The following ARHGEF3 variants were observed in gnomAD, a reference collection of about 807,000 sequenced individuals.
ARHGEF3 encodes the protein 59.8 kDA protein.
ARHGEF3 carries 28 observed loss-of-function variants against 63.2 expected under a neutral mutation model. The observed-to-expected ratio is 0.44, with a 90% confidence interval of 0.33 to 0.61. The LOEUF (loss-of-function observed/expected upper bound fraction) is 0.61, where lower values mean the gene tolerates loss of function less well. Among genes scored for constraint, ARHGEF3 ranks in the 20% least tolerant of loss-of-function variants. The pLI is 0.03. For missense variants in ARHGEF3, 533 were observed against 659.3 expected (o/e 0.81, Z 2.10); for synonymous variants, 266 against 254.2 (o/e 1.05, Z -0.44).
chr3:57,063,596 G>A (rs1705358801), intron 1 of ARHGEF3, among the ~76,000 whole-genome samples: 1 of 152,168 alleles, frequency 6.6e-6, no homozygotes, highest in African/African-American at 2.4e-5. Context: ...CAACCAGGAG[G>A]TTGGGGTGCT....
intron 1 of ARHGEF3, among the ~76,000 whole-genome samples, chr3:56,781,371 C>T (rs1007803158): frequency 6.6e-6 from 1 of 152,018 alleles, no homozygotes; most frequent in Non-Finnish European, 1.5e-5. Flanking sequence ...CTCAGCCTCC[C>T]GAGTAGCTGG....
intron 1 of ARHGEF3, chr3:57,074,246 A>T (rs2107417700): frequency 6.2e-7 from 1 of 1,612,564 alleles, no homozygotes; most frequent in South Asian, 1.1e-5. Flanking sequence ...ACTCCAACAC[A>T]CACATACACA....
At chr3:56,921,032 GT>G in intron 3 of ARHGEF3, among the ~76,000 whole-genome samples, 1 of 137,348 alleles carries the variant, frequency 7.3e-6, no homozygotes, top group Non-Finnish European at 1.5e-5. Context: ...TCCAGCCTGG[GT>G]GACAGAGCGA....
At chr3:56,798,747 A>T (rs2037497392) in intron 1 of ARHGEF3, among the ~76,000 whole-genome samples, 1 of 152,222 alleles carries the variant, frequency 6.6e-6, no homozygotes, top group Non-Finnish European at 1.5e-5. Context: ...AGATAAACTG[A>T]ACAAAGCTGC....
At chr3:56,848,469 A>T (rs1295615763) in intron 4 of ARHGEF3, among the ~76,000 whole-genome samples, 7 of 152,158 alleles carry the variant, frequency 4.6e-5, no homozygotes, top group South Asian at 4.1e-4. Context: ...TTTTTGGGAC[A>T]TGTAAATGGT....
chr3:57,035,316 A>G (rs1703906769), intron 1 of ARHGEF3: 1 of 483,504 alleles, frequency 2.1e-6, no homozygotes, highest in East Asian at 3.3e-5. Flanking sequence ...TCCTTCTTCC[A>G]TAATTATTCA....
chr3:56,795,093 G>A (rs1054067864), intron 1 of ARHGEF3, among the ~76,000 whole-genome samples: 1 of 150,794 alleles, frequency 6.6e-6, no homozygotes, highest in Admixed American at 6.6e-5. Flanking sequence ...TCAAACTCTT[G>A]GGCTCAAGCA....
chr3:56,851,373 C>T (rs1315440201), intron 4 of ARHGEF3, among the ~76,000 whole-genome samples: 3 of 152,140 alleles, frequency 2.0e-5, no homozygotes, highest in African/African-American at 7.2e-5. Flanking sequence ...CCAGTCTTTC[C>T]TTCAATACTA....
intron 3 of ARHGEF3, among the ~76,000 whole-genome samples, chr3:56,884,545 C>G (rs948368507): frequency 6.6e-6 from 1 of 152,248 alleles, no homozygotes; most frequent in Admixed American, 6.5e-5. Flanking sequence ...TTCAGAGATG[C>G]TGATGCCAGG....
chr3:56,794,510 A>G (rs1328542183), intron 1 of ARHGEF3, among the ~76,000 whole-genome samples: 1 of 140,748 alleles, frequency 7.1e-6, no homozygotes, highest in Non-Finnish European at 1.5e-5. Context: ...AAAAAAAAAA[A>G]AAGAAAGTAT....
At chr3:57,072,669 G>T (rs111418142) in intron 1 of ARHGEF3, among the ~76,000 whole-genome samples, 1 of 151,024 alleles carries the variant, frequency 6.6e-6, no homozygotes, top group Non-Finnish European at 1.5e-5. Flanking sequence ...GTGAACCCGG[G>T]GGGCAGAGGT....
In ARHGEF3 at chr3:56,893,811, C is replaced by CAAA. The variant is rs537483698; in HGVS notation, c.130-11460_130-11458dup. On this transcript the variant is annotated intron_variant, in intron 3 of 12. Transcript: ENST00000338458. Reference sequence around the variant, plus strand: ...ACAGAGCAAGAACAAGACTCTGTCTCAAAAAAAAAAAAAAAAAAAAAAAAA... The same window carrying CAAA: ...ACAGAGCAAGAACAAGACTCTGTCTCAAAAAAAAAAAAAAAAAAAAAAAAAAAA... Among the ~76,000 whole-genome samples the CAAA allele has an allele frequency of 3.6e-4, 29 of 79,554 alleles. 1 individual carries two copies. The highest frequency in any genetic ancestry group is 7.6e-4 in the African/African-American group (20 of 26,284). The allele number at this position is 79,554 out of a possible 152,430, so 52.2% of individuals were successfully genotyped here.
At chr3:56,978,082 G>C (rs890090912) in intron 2 of ARHGEF3, among the ~76,000 whole-genome samples, 16 of 152,188 alleles carry the variant, frequency 1.1e-4, no homozygotes, top group Non-Finnish European at 2.4e-4. Flanking sequence ...ATTCAGTGGG[G>C]ACCCCAGGTG....
At chr3:56,808,947 G>A (rs941420352) in intron 4 of ARHGEF3, among the ~76,000 whole-genome samples, 2 of 152,166 alleles carry the variant, frequency 1.3e-5, no homozygotes, top group Admixed American at 1.3e-4. Flanking sequence ...ATTGAGAAAC[G>A]CTGTGGTAAA....
intron 3 of ARHGEF3, among the ~76,000 whole-genome samples, chr3:56,882,720 T>C (rs540439112): frequency 2.7e-4 from 41 of 152,216 alleles, no homozygotes; most frequent in African/African-American, 9.2e-4. Context: ...GGTTTCACCA[T>C]GTTGGTCAGG....
intron 1 of ARHGEF3, among the ~76,000 whole-genome samples, chr3:57,039,534 A>C (rs978986206): frequency 6.6e-6 from 1 of 152,202 alleles, no homozygotes; most frequent in Non-Finnish European, 1.5e-5. Flanking sequence ...CCACACGCTT[A>C]GTGACTTAAA....
intron 2 of ARHGEF3, among the ~76,000 whole-genome samples, chr3:57,012,432 T>C (rs1483431941): frequency 1.3e-5 from 2 of 152,162 alleles, no homozygotes; most frequent in Non-Finnish European, 2.9e-5. Flanking sequence ...CTAATTTTTG[T>C]ATTTTTAGTA....
chr3:56,970,345 A>C (rs1700853150), intron 2 of ARHGEF3, among the ~76,000 whole-genome samples: 1 of 152,222 alleles, frequency 6.6e-6, no homozygotes, highest in Admixed American at 6.5e-5. Context: ...GATGTGAAAT[A>C]AAATCCTATT....
At position 56,851,305 on chromosome 3, in the gene ARHGEF3, T is replaced by C. The variant is rs562946646; in HGVS notation, c.192+30987A>G. ...TCACCTCTCTCCTGCCCTCCTTCAATACCCGAATCATCCTCACCTGGACTA... is the reference window on the plus strand; with the variant it reads ...TCACCTCTCTCCTGCCCTCCTTCAACACCCGAATCATCCTCACCTGGACTA... On this transcript the variant is annotated intron_variant, in intron 4 of 12. Transcript: ENST00000338458. 2.6e-5 allele frequency among the ~76,000 whole-genome samples: 4 copies of C among 152,260 alleles called. No individual in the cohort carries two copies. The East Asian group carries it at 5.8e-4, about 22-fold the overall frequency.
Sources: allele counts gnomAD v4.1 joint callset (sites outside exome capture counted in the v4.1 genomes callset), GRCh38; gene constraint gnomAD v4.1.1; transcripts MANE v1.5; gene names NCBI Gene and HGNC (gene_info 2026-07-23, HGNC 2026-07-21).